The following NCAPG2 variants were observed in gnomAD, a reference collection of about 807,000 sequenced individuals.
NCAPG2 encodes the protein condensin-2 complex subunit G2.
NCAPG2 carries 53 observed loss-of-function variants against 141.1 expected under a neutral mutation model. The ratio of observed to expected loss-of-function variants is 0.38; its 90% CI spans 0.30 to 0.47. The LOEUF is 0.47. Among genes scored for constraint, NCAPG2 ranks in the 20% least tolerant of loss-of-function variants. The probability of loss-of-function intolerance (pLI) is 0.99; values close to 1 mark genes in which losing one functional copy is unlikely to be tolerated. For missense variants in NCAPG2, 1,087 were observed against 1,389.0 expected, an observed-to-expected ratio of 0.78 and a Z score of 3.46; for synonymous variants, 499 against 490.7, an observed-to-expected ratio of 1.02 and a Z score of -0.22.
intron 26 of NCAPG2, 141 bp downstream of exon 26, chr7:158,645,378 G>C (rs182978714): frequency 1.5e-6 from 1 of 674,174 alleles, no homozygotes; most frequent in African/African-American, 1.8e-5. Flanking sequence ...CAGCACATGA[G>C]AAGGCAGGGA....
chr7:158,697,124 A>G (rs1488992690), intron 2 of NCAPG2, among the ~76,000 whole-genome samples: 6 of 152,162 alleles, frequency 3.9e-5, no homozygotes, highest in Non-Finnish European at 8.8e-5. Context: ...TTCAAGAGAA[A>G]TTCCTGAAGG....
intron 13 of NCAPG2, among the ~76,000 whole-genome samples, chr7:158,666,613 C>T (rs1832959125): frequency 6.6e-6 from 1 of 151,520 alleles, no homozygotes. Context: ...GCACGGGCCA[C>T]ACACTGCTGA....
intron 2 of NCAPG2, among the ~76,000 whole-genome samples, chr7:158,695,160 A>C (rs1388634086): frequency 6.6e-6 from 1 of 152,156 alleles, no homozygotes; most frequent in Non-Finnish European, 1.5e-5. Context: ...CTGTGTTCAA[A>C]GATCAAGAGG....
intron 6 of NCAPG2, 147 bp from the exon 7 acceptor site, chr7:158,687,589 G>T: frequency 1.6e-6 from 1 of 613,378 alleles, no homozygotes; most frequent in Non-Finnish European, 2.8e-6. Context: ...ACATGCACGA[G>T]TTGAGCTGTC....
intron 2 of NCAPG2, among the ~76,000 whole-genome samples, chr7:158,694,030 G>A (rs1333937625): frequency 6.6e-6 from 1 of 152,152 alleles, no homozygotes; most frequent in Non-Finnish European, 1.5e-5. Flanking sequence ...TCCAATTAAA[G>A]GGACTCCCTA....
In NCAPG2 at chr7:158,637,201, C is replaced by A. The variant is rs200869868; in HGVS notation, c.3381-5484G>T. 7.2e-5 allele frequency among the ~76,000 whole-genome samples: 11 copies of A among 152,306 alleles called. No homozygotes were observed. The East Asian group carries it at 2.1e-3, about 29-fold the overall frequency. On this transcript the variant is annotated intron_variant, in intron 27 of 27. Coordinates refer to ENST00000356309, the MANE Select transcript of NCAPG2 (RefSeq NM_017760.7). ...TGACCTCGTGATCCACCTGCCTTGG[C>A]CTCCCAAAGTGCTGAGAGGGTTTCT...
At position 158,683,348 on chromosome 7, in the gene NCAPG2, G is replaced by A. The variant is rs925375163; in HGVS notation, c.876C>T (p.His292=). The change falls in exon 9 of 28, where the codon CAC becomes CAT. Residue 292 remains histidine (H), a synonymous_variant. Coordinates refer to ENST00000356309, the MANE Select transcript of NCAPG2 (RefSeq NM_017760.7). ...GAGACCTCCTCGGAAGGTGTATCCC[G>A]TGGAACATGAAGTCCTGGATGCAAT... The part of the protein sequence containing the change: ...ENDCIQDFMF[H]GIHLPRRSPV... 1.4e-5 allele frequency: 23 copies of A among 1,606,666 alleles called. No individual in the cohort carries two copies. Among genetic ancestry groups the A allele is most frequent in the East Asian group, 2.3e-5 (1 of 44,178 alleles).
At chr7:158,694,545 C>T (rs768928655) in intron 2 of NCAPG2, among the ~76,000 whole-genome samples, 2 of 152,148 alleles carry the variant, frequency 1.3e-5, no homozygotes, top group Non-Finnish European at 2.9e-5. Context: ...GCGCCGAGGA[C>T]CTAACACTGC....
chr7:158,664,275 C>T lies in NCAPG2; in HGVS notation c.1724G>A (p.Arg575His), dbSNP rs944775455. 24 of 1,613,240 alleles carry T rather than the reference C, an allele frequency of 1.5e-5. No individual in the cohort carries two copies. Among genetic ancestry groups the T allele is most frequent in the Non-Finnish European group, 2.0e-5 (23 of 1,179,410 alleles). The stretch of plus-strand genomic sequence containing the variant: ...CTGGATACAGGCATTTAAGCAATGA[C>T]GAATAACGTGAATCAGCTTTGCTGA... Reference protein sequence around the residue: ...TNIAKLIHVIRHCLNACIQRA... With the variant: ...TNIAKLIHVIHHCLNACIQRA... The change falls in exon 15 of 28, where the codon CGT (arginine) becomes CAT (histidine). Residue 575 changes from arginine (R) to histidine (H), a missense_variant. Physicochemically the swap from Arg to His is conservative, Grantham distance 29. Transcript: ENST00000356309.
chr7:158,691,257 A>T (rs1305410865), intron 4 of NCAPG2, among the ~76,000 whole-genome samples: 3 of 152,254 alleles, frequency 2.0e-5, no homozygotes, highest in Non-Finnish European at 4.4e-5. Flanking sequence ...TCATAATTAT[A>T]ATCTGTAGGT....
chr7:158,663,413 A>G (rs1832685411), intron 15 of NCAPG2, among the ~76,000 whole-genome samples: 1 of 152,184 alleles, frequency 6.6e-6, no homozygotes, highest in Non-Finnish European at 1.5e-5. Flanking sequence ...CCTTCTGAAC[A>G]ATTTCAACCC....
At chr7:158,685,223 A>G (rs530594980) in intron 8 of NCAPG2, among the ~76,000 whole-genome samples, 1 of 152,364 alleles carries the variant, frequency 6.6e-6, no homozygotes, top group Non-Finnish European at 1.5e-5. Flanking sequence ...TTCATAACAT[A>G]AATACTATGT....
rs754184868 is a variant in NCAPG2, at chr7:158,650,890, C to T, written c.3017G>A (p.Gly1006Asp). The T allele has an allele frequency of 6.2e-7, 1 of 1,613,902 alleles. No individual in the cohort carries two copies. Among genetic ancestry groups the T allele is most frequent in the African/African-American group, 1.3e-5 (1 of 74,876 alleles). ...SRHTDTPVHRGVLSTLIAGPV... is the reference protein window; with the variant it reads ...SRHTDTPVHRDVLSTLIAGPV... ...CCCAGCGATCAGAGTAGAAAGTACA[C>T]CCCGGTGCACAGGGGTGTCTGTGTG... The change falls in exon 24 of 28, where the codon GGT becomes GAT. Residue 1006 changes from glycine to aspartate, a missense_variant. Coordinates refer to ENST00000356309, the MANE Select transcript of NCAPG2 (RefSeq NM_017760.7).
At chr7:158,681,940 T>C (rs2129467807) in intron 9 of NCAPG2, among the ~76,000 whole-genome samples, 1 of 152,296 alleles carries the variant, frequency 6.6e-6, no homozygotes, top group East Asian at 1.9e-4. Flanking sequence ...AAATGACTTA[T>C]CAGATAAATT....
chr7:158,682,817 T>A (rs913926407), intron 9 of NCAPG2, among the ~76,000 whole-genome samples: 2 of 152,224 alleles, frequency 1.3e-5, no homozygotes, highest in South Asian at 2.1e-4. Context: ...TCAGTCCATT[T>A]ACAATTATTA....
At chr7:158,677,043 T>C (rs1331423132) in intron 11 of NCAPG2, among the ~76,000 whole-genome samples, 2 of 151,950 alleles carry the variant, frequency 1.3e-5, no homozygotes, top group South Asian at 2.1e-4. Flanking sequence ...AGAGAAGAGT[T>C]TGTGGCAAGG....
At chr7:158,644,464 G>T in intron 26 of NCAPG2, 76 bp from the exon 27 acceptor site, 2 of 1,289,152 alleles carry the variant, frequency 1.6e-6, no homozygotes, top group Non-Finnish European at 2.2e-6. Flanking sequence ...TACACATGTG[G>T]TACAACTTCC....
chr7:158,638,099 G>A (rs2002738), intron 27 of NCAPG2, among the ~76,000 whole-genome samples: 7,029 of 152,070 alleles, frequency 0.046, 441 homozygotes, highest in East Asian at 0.27. Flanking sequence ...AGCCAAGATC[G>A]CACCACTGCA....
chr7:158,694,310 A>T (rs1835307161), intron 2 of NCAPG2, among the ~76,000 whole-genome samples: 1 of 152,210 alleles, frequency 6.6e-6, no homozygotes, highest in Admixed American at 6.5e-5. Flanking sequence ...ATAAACATAG[A>T]TGCAATACAG....
Sources: allele counts gnomAD v4.1 joint callset (sites outside exome capture counted in the v4.1 genomes callset), GRCh38; gene constraint gnomAD v4.1.1; transcripts MANE v1.5; gene names NCBI Gene and HGNC (gene_info 2026-07-23, HGNC 2026-07-21).